DPPA4: variants seen among roughly 807,000 people sequenced by gnomAD.
DPPA4 encodes developmental pluripotency associated 4.
Under a neutral mutation model 33.7 loss-of-function variants are expected in DPPA4, and 22 were observed. The observed-to-expected ratio is 0.65, with a 90% CI of 0.47 to 0.93. DPPA4 has a LOEUF of 0.93. DPPA4 is among the 40% of genes least tolerant of loss of function. The pLI, the probability that DPPA4 is intolerant of heterozygous loss-of-function variation, is 0.00. For missense variants in DPPA4, 340 were observed against 358.6 expected, an observed-to-expected ratio of 0.95 and a Z score of 0.42; for synonymous variants, 156 against 132.3, an observed-to-expected ratio of 1.18 and a Z score of -1.23.
chr3:109,331,260 C>CAAAAAA (rs10593582), intron 4 of DPPA4, among the ~76,000 whole-genome samples: 27 of 58,398 alleles, frequency 4.6e-4, no homozygotes, highest in African/African-American at 6.1e-4. Flanking sequence ...GACTCTGTCT[C>CAAAAAA]AAAAAAAAAA....
rs1001133949 is a variant in DPPA4, at chr3:109,326,923, T to C, written c.*1065A>G. On this transcript the variant is annotated 3_prime_UTR_variant, in exon 7 of 7. Coordinates refer to ENST00000335658, the MANE Select transcript of DPPA4 (RefSeq NM_018189.4). ...AAAATTTGCATGCAATGAATATGGT[T>C]CTCTAAATACAACAGATGAATTATT... 4 of 152,182 alleles carry C rather than the reference T, an allele frequency of 2.6e-5. No individual in the cohort carries two copies. Among genetic ancestry groups the C allele is most frequent in the African/African-American group, 9.6e-5 (4 of 41,452 alleles). The allele number at this position is 152,182 out of a possible 1,614,324, so 9.4% of individuals were successfully genotyped here. A position where few individuals can be genotyped will look rare whatever the true frequency, so the allele number is the denominator to read the frequency against.
At position 109,327,882 on chromosome 3, in the gene DPPA4, A is replaced by G. The variant is rs553793160; in HGVS notation, c.*106T>C. 4.8e-6 allele frequency: 4 copies of G among 832,964 alleles called. No individual in the cohort carries two copies. The highest frequency in any genetic ancestry group is 6.1e-6 in the Non-Finnish European group (3 of 490,562). The allele number at this position is 832,964 out of a possible 1,614,324, so 51.6% of individuals were successfully genotyped here. A position where few individuals can be genotyped will look rare whatever the true frequency, so the allele number is the denominator to read the frequency against. ...CACCCCACCAGTCTGCATGGCCCAT[A>G]AACAGGTGCAGAGGACCAGAGTTCA... On this transcript the variant is annotated 3_prime_UTR_variant, in exon 7 of 7. Transcript: ENST00000335658.
intron 5 of DPPA4, 105 bp from the exon 6 acceptor site, chr3:109,329,193 T>G: frequency 1.0e-6 from 1 of 972,282 alleles, no homozygotes; most frequent in Non-Finnish European, 1.6e-6. Context: ...CTCCAAGATG[T>G]GAACCCTGAA....
intron 5 of DPPA4, chr3:109,329,708 T>C (rs1216639550): frequency 2.0e-5 from 3 of 152,924 alleles, no homozygotes; most frequent in Non-Finnish European, 4.4e-5. Flanking sequence ...CATTGGATTA[T>C]GCTAAGCAGT....
chr3:109,337,498 G>C lies in DPPA4; in HGVS notation c.20C>G (p.Ser7Cys). Residue 7 changes from serine (S) to cysteine (C), a missense_variant, in exon 1 of 7, where the codon TCT becomes TGT. This residue lies in a region of DPPA4 where 96 missense variants were observed against 91.8 expected (regional missense o/e 1.05). Transcript: ENST00000335658. The stretch of plus-strand genomic sequence containing the variant: ...TTTTGCCTTCTCCATACTTGTAGAA[G>C]AAGCGGAGCCTCGCAACATGCTTCC... Reference protein sequence around the residue: MLRGSASSTSMEKAKGK... With the variant: MLRGSACSTSMEKAKGK... 1 of 1,614,126 alleles carries C rather than the reference G, an allele frequency of 6.2e-7. No individual in the cohort carries two copies. Among genetic ancestry groups the C allele is most frequent in the Non-Finnish European group, 8.5e-7 (1 of 1,180,002 alleles).
At chr3:109,335,666 G>A (rs1362424689) in intron 1 of DPPA4, among the ~76,000 whole-genome samples, 1 of 151,880 alleles carries the variant, frequency 6.6e-6, no homozygotes, top group East Asian at 2.0e-4. Context: ...CTGGCCTCAA[G>A]TGATCCGCCC....
At chr3:109,333,349 C>CAAAAAAA (rs56044946) in intron 2 of DPPA4, 8 of 97,546 alleles carry the variant, frequency 8.2e-5, no homozygotes, top group African/African-American at 3.2e-4. Context: ...CTTGGTGTCT[C>CAAAAAAA]AAAAAAAAAA....
chr3:109,335,829 G>A (rs1708183078), intron 1 of DPPA4, among the ~76,000 whole-genome samples: 1 of 151,840 alleles, frequency 6.6e-6, no homozygotes, highest in Non-Finnish European at 1.5e-5. Flanking sequence ...TAAAGACACA[G>A]ATTAGGGGTA....
At chr3:109,337,670 T>C, upstream of DPPA4, 1 of 667,482 alleles carries the variant, frequency 1.5e-6, no homozygotes, top group Middle Eastern at 3.8e-4. Context: ...AAAATTGCAT[T>C]CTTTCTTATT....
upstream of DPPA4, chr3:109,337,605 T>G (rs891811488): frequency 8.8e-7 from 1 of 1,136,236 alleles, no homozygotes; most frequent in Non-Finnish European, 1.3e-6. Context: ...TCTCTCCACC[T>G]CACCTCTTCT....
In DPPA4 at chr3:109,330,735, C is replaced by T. The variant is rs537248080; in HGVS notation, c.468G>A (p.Thr156=). The T allele has an allele frequency of 8.1e-6, 13 of 1,613,982 alleles. No individual in the cohort carries two copies. The Admixed American group carries it at 1.0e-4, about 12-fold the overall frequency. ...QKKLKVEKGE[T]SLQSSETHPP... ...GATGTGTCTCAGAACTTTGCAGGGA[C>T]GTTTCCCCCTTTTCCACCTTTAATT... Residue 156 remains threonine, a synonymous_variant, in exon 5 of 7, where the codon ACG becomes ACA. Transcript: ENST00000335658.
chr3:109,330,751 A>G lies in DPPA4; in HGVS notation c.452T>C (p.Val151Ala). 1 of 1,613,030 alleles carries G rather than the reference A, an allele frequency of 6.2e-7. No homozygotes were observed. The highest frequency in any genetic ancestry group is 8.5e-7 in the Non-Finnish European group (1 of 1,179,752). Reference sequence around the variant, plus strand: ...TTGCAGGGACGTTTCCCCCTTTTCCACCTTTAATTTTTTTTGCAATGATTT... The same window carrying G: ...TTGCAGGGACGTTTCCCCCTTTTCCGCCTTTAATTTTTTTTGCAATGATTT... ...IRKSLQKKLK[V>A]EKGETSLQSS... Residue 151 changes from valine (V) to alanine (A), a missense_variant, in exon 5 of 7, where the codon GTG becomes GCG. Physicochemically the swap from Val to Ala is moderately conservative, Grantham distance 64. This residue lies in a region of DPPA4 where 212 missense variants were observed against 206.5 expected (regional missense o/e 1.03). Transcript: ENST00000335658.
intron 4 of DPPA4, 136 bp downstream of exon 4, chr3:109,331,598 A>AGATG: frequency 1.8e-6 from 1 of 552,458 alleles, no homozygotes; most frequent in Admixed American, 3.1e-5. Flanking sequence ...AGAGAAGTAG[A>AGATG]GATGGGAAAT....
At position 109,326,753 on chromosome 3, in the gene DPPA4, G is replaced by A. The variant is rs1038132662; in HGVS notation, c.*1235C>T. The stretch of plus-strand genomic sequence containing the variant: ...CAATAGGATACATTAAATATGTGCA[G>A]CTTTTTGTATGTGAATCATACCTAA... On this transcript the variant is annotated 3_prime_UTR_variant, in exon 7 of 7. Transcript: ENST00000335658. The A allele has an allele frequency of 6.6e-6, 1 of 152,132 alleles. No homozygotes were observed. Among genetic ancestry groups the A allele is most frequent in the Non-Finnish European group, 1.5e-5 (1 of 68,022 alleles). 9.4% of individuals were successfully genotyped at this position (152,132 alleles called of 1,614,324 possible).
At chr3:109,334,396 CAAA>C (rs1436489527) in intron 1 of DPPA4, among the ~76,000 whole-genome samples, 1 of 152,026 alleles carries the variant, frequency 6.6e-6, no homozygotes, top group Non-Finnish European at 1.5e-5. Flanking sequence ...CATAAGGAAA[CAAA>C]ATTAGCTGAG....
At chr3:109,330,408 C>G (rs1054530464) in intron 5 of DPPA4, 116 bp downstream of exon 5, 1 of 1,152,090 alleles carries the variant, frequency 8.7e-7, no homozygotes, top group African/African-American at 1.5e-5. Flanking sequence ...TGGGCAGGGT[C>G]CAGGAATCAC....
At chr3:109,337,587 A>C (rs1004896078), upstream of DPPA4, 11 of 1,401,006 alleles carry the variant, frequency 7.9e-6, no homozygotes, top group Non-Finnish European at 1.1e-5. Flanking sequence ...CCGCCCGAAG[A>C]CCCTTTTTCT....
chr3:109,333,953 G>C lies in DPPA4; in HGVS notation c.95C>G (p.Ala32Gly), dbSNP rs150170602. Residue 32 changes from alanine to glycine, a missense_variant, in exon 2 of 7, where the codon GCT (alanine) becomes GGT (glycine). Coordinates refer to ENST00000335658, the MANE Select transcript of DPPA4 (RefSeq NM_018189.4). ...AGCAATTGAATTTGGTTGATTAGAA[G>C]CCTGCTGATCCTCTTCCCTCGACTT... ...TEKSREEDQQASNQPNSIALP... is the reference protein window; with the variant it reads ...TEKSREEDQQGSNQPNSIALP... The C allele has an allele frequency of 9.4e-5, 152 of 1,614,102 alleles. No individual in the cohort carries two copies. In the East Asian group the frequency reaches 3.4e-3, roughly 36 times the overall value.
chr3:109,337,767 G>A (rs935738720), upstream of DPPA4, among the ~76,000 whole-genome samples: 3 of 152,062 alleles, frequency 2.0e-5, no homozygotes, highest in Admixed American at 2.0e-4. Context: ...CCAAAGTATG[G>A]TTCCGGAGAC....
Sources: gnomAD v4.1 joint callset for allele counts (sites outside exome capture counted in the v4.1 genomes callset) on GRCh38, gnomAD v4.1.1 for gene constraint, gnomAD v4.1.1 regional missense constraint, MANE v1.5 for transcripts, NCBI Gene and HGNC (gene_info 2026-07-23, HGNC 2026-07-21) for gene names.